The following PRR14L variants were observed in gnomAD, a reference collection of about 807,000 sequenced individuals.
PRR14L encodes the protein protein PRR14L.
Under a neutral mutation model 155.0 loss-of-function variants are expected in PRR14L, and 80 were observed. The ratio of observed to expected loss-of-function variants is 0.52; its 90% CI spans 0.43 to 0.62. PRR14L has a LOEUF of 0.62. Among genes scored for constraint, PRR14L ranks in the 20% least tolerant of loss-of-function variants. The pLI is 0.00. For synonymous variants in PRR14L, 883 were observed against 916.0 expected (o/e 0.96, Z 0.65); for missense variants, 2,469 against 2,548.0 (o/e 0.97, Z 0.67).
chr22:31,688,926 A>G (rs1569497071), intron 7 of PRR14L, among the ~76,000 whole-genome samples: 1 of 150,232 alleles, frequency 6.7e-6, no homozygotes, highest in Non-Finnish European at 1.5e-5. Flanking sequence ...ACACACACAC[A>G]AAAACCCTTC....
At position 31,738,467 on chromosome 22, in the gene PRR14L, T is replaced by C. The variant is rs1168033681; in HGVS notation, c.394A>G (p.Ile132Val). The change falls in exon 2 of 9, where the codon ATA becomes GTA. Residue 132 changes from isoleucine (I) to valine (V), a missense_variant. Ile to Val is a conservative substitution (Grantham distance 29, BLOSUM62 3). Coordinates refer to ENST00000327423, the MANE Select transcript of PRR14L (RefSeq NM_173566.3). ...FRDPGGQAGIIREPSEGAKED... is the reference protein window; with the variant it reads ...FRDPGGQAGIVREPSEGAKED... ...TTTGCTCCCTCAGAGGGTTCTCTTA[T>C]AATTCCTGCCTGGCCCCCTGGATCT... The C allele has an allele frequency of 1.9e-6, 3 of 1,552,126 alleles. No homozygotes were observed. Among genetic ancestry groups the C allele is most frequent in the Non-Finnish European group, 2.6e-6 (3 of 1,147,132 alleles).
chr22:31,725,459 C>T, intron 3 of PRR14L, 79 bp downstream of exon 3: 3 of 948,796 alleles, frequency 3.2e-6, no homozygotes, highest in Non-Finnish European at 5.0e-6. Context: ...CCCTTATATT[C>T]TCAATGCAAA....
intron 2 of PRR14L, among the ~76,000 whole-genome samples, chr22:31,731,917 T>C (rs1409252304): frequency 1.3e-5 from 2 of 152,222 alleles, no homozygotes; most frequent in Admixed American, 1.3e-4. Flanking sequence ...GACTCACTTG[T>C]TATAGTTTCT....
At chr22:31,718,332 T>C (rs1476364573) in intron 3 of PRR14L, among the ~76,000 whole-genome samples, 1 of 151,738 alleles carries the variant, frequency 6.6e-6, no homozygotes, top group South Asian at 2.1e-4. Flanking sequence ...CTCGGCTCAC[T>C]GCAACCTCCG....
Position 31,716,567 on chromosome 22 carries a change from A to G in PRR14L, c.1272T>C (p.Ile424=), listed in dbSNP as rs1217233398. ...LFNAREPEKE[I]SGRCSGEKEP... is the part of the protein sequence containing the mutation. ...CTTTTTCACCAGAACAACGACCACT[A>G]ATCTCCTTTTCTGGTTCCCTGGCAT... Residue 424 remains isoleucine (I), a synonymous_variant, in exon 4 of 9, where the codon ATT becomes ATC. Coordinates refer to ENST00000327423, the MANE Select transcript of PRR14L (RefSeq NM_173566.3). 2 of 1,548,586 alleles carry G rather than the reference A, an allele frequency of 1.3e-6. No individual in the cohort carries two copies. Among genetic ancestry groups the G allele is most frequent in the Non-Finnish European group, 1.7e-6 (2 of 1,146,296 alleles).
chr22:31,747,987 G>GT (rs1350311358), intron 1 of PRR14L, among the ~76,000 whole-genome samples: 1 of 146,162 alleles, frequency 6.8e-6, no homozygotes, highest in African/African-American at 2.7e-5. Flanking sequence ...ACAGCAACAA[G>GT]CAAAAAAAAA....
rs1456208072 is a variant in PRR14L, at chr22:31,749,982, CG to C, written c.-52+10del. The C allele has an allele frequency of 6.5e-6, 1 of 153,274 alleles. No individual in the cohort carries two copies. The highest frequency in any genetic ancestry group is 1.5e-5 in the Non-Finnish European group (1 of 68,926). 9.5% of individuals were successfully genotyped at this position (153,274 alleles called of 1,614,324 possible). On this transcript the variant is annotated intron_variant, in intron 1 of 8. Transcript: ENST00000327423. ...GGCTACGCCCGAAGCCTTCCAGTCC[CG>C]GCCTCTTACCCTGAGACCTCCTCCG... is the stretch of plus-strand genomic sequence containing the variant.
Position 31,714,655 on chromosome 22 carries a change from T to G in PRR14L, c.3184A>C (p.Asn1062His). ...TCCAGCACACCTTCTGCAAGCTTAT[T>G]ACTACAGTCCGTGTAGACGATGTCT... ...MVDIVYTDCS[N>H]KLAEGVLDVK... Residue 1062 changes from asparagine to histidine, a missense_variant, in exon 4 of 9, where the codon AAT (asparagine) becomes CAT (histidine). Physicochemically the swap from Asn to His is moderately conservative, Grantham distance 68. Transcript: ENST00000327423. The G allele has an allele frequency of 6.4e-7, 1 of 1,552,254 alleles. No individual in the cohort carries two copies. Among genetic ancestry groups the G allele is most frequent in the Non-Finnish European group, 8.7e-7 (1 of 1,147,110 alleles).
At chr22:31,686,223 C>G (rs2074481645) in intron 8 of PRR14L, among the ~76,000 whole-genome samples, 1 of 151,724 alleles carries the variant, frequency 6.6e-6, no homozygotes, top group Admixed American at 6.6e-5. Context: ...CTCAGCCTCC[C>G]AAGTAGCTGG....
chr22:31,686,927 A>G (rs1405672826), intron 8 of PRR14L, among the ~76,000 whole-genome samples: 1 of 152,080 alleles, frequency 6.6e-6, no homozygotes, highest in African/African-American at 2.4e-5. Flanking sequence ...CCTAAGTGAA[A>G]CTCTTCCTGT....
chr22:31,733,209 G>A (rs964372562), intron 2 of PRR14L, among the ~76,000 whole-genome samples: 1 of 150,888 alleles, frequency 6.6e-6, no homozygotes, highest in Non-Finnish European at 1.5e-5. Context: ...GGCTGGTCTC[G>A]AACTCCTGAC....
At chr22:31,749,122 T>G (rs1158587516) in intron 1 of PRR14L, among the ~76,000 whole-genome samples, 2 of 152,208 alleles carry the variant, frequency 1.3e-5, no homozygotes, top group Non-Finnish European at 2.9e-5. Context: ...TTTACACAAA[T>G]GCTCCCTTAG....
intron 5 of PRR14L, chr22:31,704,340 T>A (rs1292977224): frequency 1.3e-5 from 3 of 227,918 alleles, no homozygotes; most frequent in Non-Finnish European, 1.7e-5. Context: ...TCAGATAAGA[T>A]CAATCCTGTC....
intron 3 of PRR14L, among the ~76,000 whole-genome samples, chr22:31,717,783 CAG>C (rs751562518): frequency 1.3e-5 from 2 of 152,108 alleles, no homozygotes; most frequent in Non-Finnish European, 2.9e-5. Context: ...TTTTTTCAGA[CAG>C]AGTCTTGCTC....
chr22:31,739,055 T>C (rs2074798407), intron 1 of PRR14L, 144 bp from the exon 2 acceptor site: 1 of 541,394 alleles, frequency 1.8e-6, no homozygotes, highest in Non-Finnish European at 3.3e-6. Context: ...TTCTCCTTAA[T>C]GAATTTGTAG....
Position 31,685,784 on chromosome 22 carries a change from C to T in PRR14L, c.6199G>A (p.Glu2067Lys). Reference protein sequence around the residue: ...PANRCLETIFEEPKERNGTLI... With the variant: ...PANRCLETIFKEPKERNGTLI... The stretch of plus-strand genomic sequence containing the variant: ...GTACCATTTCGTTCCTTGGGTTCCT[C>T]AAAGATGGTCTCTAAACACCTAAGG... Residue 2067 changes from glutamate (E) to lysine (K), a missense_variant, in exon 9 of 9, where the codon GAG becomes AAG. Transcript: ENST00000327423. 6.4e-7 allele frequency: 1 copy of T among 1,551,540 alleles called. No individual in the cohort carries two copies. The highest frequency in any genetic ancestry group is 8.7e-7 in the Non-Finnish European group (1 of 1,146,944).
intron 7 of PRR14L, among the ~76,000 whole-genome samples, chr22:31,696,547 A>G (rs1304126377): frequency 1.3e-5 from 2 of 152,186 alleles, no homozygotes; most frequent in African/African-American, 4.8e-5. Context: ...TGTCGGGATT[A>G]TAGGTGTGAA....
chr22:31,704,819 C>T, intron 4 of PRR14L, 93 bp from the exon 5 acceptor site: 2 of 860,630 alleles, frequency 2.3e-6, no homozygotes, highest in African/African-American at 1.7e-5. Context: ...CACATGATAG[C>T]CCCAAGAAGA....
intron 2 of PRR14L, among the ~76,000 whole-genome samples, chr22:31,728,625 C>T (rs1224960052): frequency 2.3e-5 from 3 of 130,032 alleles, no homozygotes; most frequent in East Asian, 4.4e-4. Context: ...AAAAAAAAAA[C>T]GTATACTACG....
Sources: gnomAD v4.1 joint callset for allele counts (sites outside exome capture counted in the v4.1 genomes callset) on GRCh38, gnomAD v4.1.1 for gene constraint, MANE v1.5 for transcripts, NCBI Gene and HGNC (gene_info 2026-07-23, HGNC 2026-07-21) for gene names.